The following TMEM117 variants were observed in gnomAD, a reference collection of about 807,000 sequenced individuals.
TMEM117 encodes the protein transmembrane protein 117.
A neutral mutation model predicts 52.4 loss-of-function variants in TMEM117; 27 were observed. That is an observed-to-expected ratio of 0.51 (90% CI 0.38 to 0.71). The LOEUF (loss-of-function observed/expected upper bound fraction) is 0.71. Among genes scored for constraint, TMEM117 ranks in the 30% least tolerant of loss-of-function variants. The pLI, the probability that TMEM117 is intolerant of heterozygous loss-of-function variation, is 0.00. For missense variants in TMEM117, 556 were observed against 630.5 expected (o/e 0.88, Z 1.26); for synonymous variants, 215 against 206.3 (o/e 1.04, Z -0.36).
intron 4 of TMEM117, among the ~76,000 whole-genome samples, chr12:44,154,923 A>G (rs191953772): frequency 1.3e-5 from 2 of 152,072 alleles, no homozygotes; most frequent in East Asian, 3.9e-4. Context: ...TCAATTGACT[A>G]TTTCTTGGAC....
At chr12:44,214,977 A>G (rs150919506) in intron 5 of TMEM117, among the ~76,000 whole-genome samples, 2 of 152,348 alleles carry the variant, frequency 1.3e-5, no homozygotes, top group East Asian at 3.9e-4. Flanking sequence ...AGGAGATAAA[A>G]TACAAAACTC....
rs1213644339 is a variant in TMEM117 at position 44,111,503 on chromosome 12, G to A, written c.411-32022G>A. On this transcript the variant is annotated intron_variant, in intron 3 of 7. Transcript: ENST00000266534. ...CAGGAGCAGGTTGTTCAGTTTCCAT[G>A]TAGTTGAGCGGTTTTGAGTGAGATT... Among the ~76,000 whole-genome samples, 5 of 58,886 alleles carry A rather than the reference G, an allele frequency of 8.5e-5. No homozygotes were observed. In the Admixed American group the frequency reaches 8.7e-4, roughly 10 times the overall value. 38.6% of individuals were successfully genotyped at this position (58,886 alleles called of 152,430 possible).
At chr12:43,833,530 C>T (rs1942994328), upstream of TMEM117, among the ~76,000 whole-genome samples, 1 of 152,124 alleles carries the variant, frequency 6.6e-6, no homozygotes, top group South Asian at 2.1e-4. Flanking sequence ...TGCTGTGGCT[C>T]ACCCTGAAAT....
intron 6 of TMEM117, among the ~76,000 whole-genome samples, chr12:44,310,581 T>G (rs1592683335): frequency 6.6e-6 from 1 of 152,110 alleles, no homozygotes; most frequent in Non-Finnish European, 1.5e-5. Flanking sequence ...GAGGTTGGGG[T>G]GAGCTGAGAT....
intron 5 of TMEM117, among the ~76,000 whole-genome samples, chr12:44,242,470 C>T (rs1353040826): frequency 6.6e-6 from 1 of 151,740 alleles, no homozygotes; most frequent in Non-Finnish European, 1.5e-5. Context: ...GACATGATCT[C>T]ATTCTTTTTT....
chr12:44,274,209 C>T (rs1950484299), intron 5 of TMEM117, among the ~76,000 whole-genome samples: 2 of 151,752 alleles, frequency 1.3e-5, no homozygotes, highest in African/African-American at 4.8e-5. Flanking sequence ...TCCCAGTGGC[C>T]ACACACACAA....
chr12:44,383,499 G>A (rs1952048230), intron 7 of TMEM117, among the ~76,000 whole-genome samples: 1 of 152,056 alleles, frequency 6.6e-6, no homozygotes, highest in African/African-American at 2.4e-5. Flanking sequence ...CAAAAAAGAG[G>A]TAATCCCACC....
intron 2 of TMEM117, among the ~76,000 whole-genome samples, chr12:43,912,761 G>T (rs1944535403): frequency 6.6e-6 from 1 of 151,564 alleles, no homozygotes. Context: ...ATTAATATAT[G>T]TGTAGCCTTT....
intron 3 of TMEM117, among the ~76,000 whole-genome samples, chr12:43,956,749 C>G (rs1222021759): frequency 2.0e-5 from 3 of 152,138 alleles, no homozygotes; most frequent in Non-Finnish European, 2.9e-5. Flanking sequence ...TGTGGTGATT[C>G]CTCAAAGATT....
chr12:43,854,341 C>T lies in TMEM117; in HGVS notation c.277+9413C>T, dbSNP rs117035379. Among the ~76,000 whole-genome samples the T allele has an allele frequency of 4.9e-4, 74 of 151,052 alleles. No homozygotes were observed. The East Asian group carries it at 0.01, about 21-fold the overall frequency. ...GGCAAGCAGATTGGGGTATGTGAGG[C>T]GATGTGAAACCTCCACAACTGATAG... On this transcript the variant is annotated intron_variant, in intron 2 of 7. Coordinates refer to ENST00000266534, the MANE Select transcript of TMEM117 (RefSeq NM_032256.3).
rs913353562 is a variant in TMEM117 at position 44,315,248 on chromosome 12, A to T, written c.768+15509A>T. Among the ~76,000 whole-genome samples the T allele has an allele frequency of 2.6e-5, 4 of 152,122 alleles. No homozygotes were observed. In the South Asian group the frequency reaches 8.3e-4, roughly 31 times the overall value. On this transcript the variant is annotated intron_variant, in intron 6 of 7. Coordinates refer to ENST00000266534, the MANE Select transcript of TMEM117 (RefSeq NM_032256.3). ...GTATGGATTTTGGGGTCTGAATTTC[A>T]TTCAATTCTGCTCTTATTTTAATAA... is the stretch of plus-strand genomic sequence containing the variant.
downstream of TMEM117, among the ~76,000 whole-genome samples, chr12:44,393,316 C>T (rs1253064267): frequency 6.6e-6 from 1 of 152,048 alleles, no homozygotes; most frequent in East Asian, 1.9e-4. Flanking sequence ...AGTAACAAAA[C>T]AAATTTATAG....
chr12:43,827,885 G>C, the TMEM117 span, among the ~76,000 whole-genome samples: 2 of 152,176 alleles, frequency 1.3e-5, no homozygotes, highest in African/African-American at 4.8e-5. Context: ...CTTTCTAAGA[G>C]AAGATAGAGA....
At chr12:44,207,604 A>T (rs1029521342) in intron 4 of TMEM117, among the ~76,000 whole-genome samples, 1 of 152,132 alleles carries the variant, frequency 6.6e-6, no homozygotes, top group Non-Finnish European at 1.5e-5. Flanking sequence ...TATAGAAAAG[A>T]TTGATTGTCA....
intron 3 of TMEM117, among the ~76,000 whole-genome samples, chr12:44,038,462 T>C (rs1024611646): frequency 6.6e-6 from 1 of 152,178 alleles, no homozygotes; most frequent in African/African-American, 2.4e-5. Flanking sequence ...ACAGCCAGTG[T>C]GCATGGCTGT....
intron 2 of TMEM117, among the ~76,000 whole-genome samples, chr12:43,886,528 T>C (rs1192907404): frequency 2.0e-5 from 3 of 152,142 alleles, no homozygotes; most frequent in Non-Finnish European, 4.4e-5. Flanking sequence ...TTGCATAGCT[T>C]AAAAAATTGG....
intron 4 of TMEM117, among the ~76,000 whole-genome samples, chr12:44,186,985 A>G (rs1949286523): frequency 6.6e-6 from 1 of 152,122 alleles, no homozygotes; most frequent in Non-Finnish European, 1.5e-5. Context: ...GAGTCATTTC[A>G]ACAGTGGGAG....
intron 4 of TMEM117, among the ~76,000 whole-genome samples, chr12:44,190,179 T>C (rs957305480): frequency 6.6e-6 from 1 of 152,222 alleles, no homozygotes; most frequent in Non-Finnish European, 1.5e-5. Flanking sequence ...TAATATTTTT[T>C]AGTAGCACTC....
intron 5 of TMEM117, among the ~76,000 whole-genome samples, chr12:44,230,228 G>A (rs1005027606): frequency 2.6e-5 from 4 of 152,068 alleles, no homozygotes; most frequent in Non-Finnish European, 5.9e-5. Context: ...TCAGTCAGTA[G>A]AGGGGCTGAC....
Sources: allele counts gnomAD v4.1 joint callset (sites outside exome capture counted in the v4.1 genomes callset), GRCh38; gene constraint gnomAD v4.1.1; transcripts MANE v1.5; gene names NCBI Gene and HGNC (gene_info 2026-07-23, HGNC 2026-07-21).